The following SIMC1 variants were observed in gnomAD, a reference collection of about 807,000 sequenced individuals.
SIMC1 encodes the protein SUMO-interacting motif-containing protein 1.
Under a neutral mutation model 82.3 loss-of-function variants are expected in SIMC1, and 55 were observed. That is an observed-to-expected ratio of 0.67 (90% confidence interval 0.54 to 0.84). The LOEUF (loss-of-function observed/expected upper bound fraction) is 0.84, where lower values mean the gene tolerates loss of function less well. Ranked by LOEUF, SIMC1 falls within the 40% of genes least tolerant of loss-of-function variation. The pLI is 0.00. For missense variants in SIMC1, 915 were observed against 1,107.2 expected, an observed-to-expected ratio of 0.83 and a Z score of 2.46; for synonymous variants, 353 against 426.3, an observed-to-expected ratio of 0.83 and a Z score of 2.12.
At chr5:176,296,451 CCCA>C in intron 4 of SIMC1, 131 bp downstream of exon 4, 2 of 1,461,270 alleles carry the variant, frequency 1.4e-6, no homozygotes, top group Non-Finnish European at 1.9e-6. Flanking sequence ...ACAGTTTGAG[CCCA>C]GGAGTTCAAG....
At chr5:176,343,676 A>G (rs1766255757) in intron 9 of SIMC1, among the ~76,000 whole-genome samples, 1 of 152,194 alleles carries the variant, frequency 6.6e-6, no homozygotes, top group Non-Finnish European at 1.5e-5. Context: ...TCATAATTGT[A>G]TTGCTTAAGT....
chr5:176,281,276 C>G (rs527538826), intron 1 of SIMC1, among the ~76,000 whole-genome samples: 1 of 152,240 alleles, frequency 6.6e-6, no homozygotes, highest in Non-Finnish European at 1.5e-5. Context: ...TGGCTTTCAG[C>G]TCCATCAGCT....
chr5:176,282,041 C>T (rs1401133385), intron 1 of SIMC1, among the ~76,000 whole-genome samples: 1 of 152,258 alleles, frequency 6.6e-6, no homozygotes, highest in Non-Finnish European at 1.5e-5. Flanking sequence ...GAGGTGGAGC[C>T]TACAGAGGCA....
intron 2 of SIMC1, 91 bp from the exon 3 acceptor site, chr5:176,294,939 T>C: frequency 1.4e-6 from 2 of 1,420,858 alleles, no homozygotes; most frequent in African/African-American, 3.4e-5. Context: ...CACTCCAGCC[T>C]GGGGAACAGA....
At chr5:176,318,402 CCCT>C (rs909305923) in intron 5 of SIMC1, among the ~76,000 whole-genome samples, 2 of 152,094 alleles carry the variant, frequency 1.3e-5, no homozygotes, top group African/African-American at 2.4e-5. Flanking sequence ...TCTCAATATC[CCCT>C]CAAGATATTT....
At chr5:176,324,845 C>A in intron 7 of SIMC1, 88 bp downstream of exon 7, 1 of 1,405,312 alleles carries the variant, frequency 7.1e-7, no homozygotes. Flanking sequence ...ATTAACTTTT[C>A]TATCTATGCT....
intron 5 of SIMC1, among the ~76,000 whole-genome samples, chr5:176,316,386 G>C (rs935276001): frequency 6.6e-6 from 1 of 151,692 alleles, no homozygotes; most frequent in Non-Finnish European, 1.5e-5. Flanking sequence ...GGCATTTAAG[G>C]CTGGGCGTGG....
At chr5:176,314,317 C>T (rs954314266) in intron 5 of SIMC1, among the ~76,000 whole-genome samples, 1 of 152,028 alleles carries the variant, frequency 6.6e-6, no homozygotes, top group Non-Finnish European at 1.5e-5. Context: ...ATCATAAACC[C>T]CTCCTGATAA....
chr5:176,341,136 G>A (rs1000018476), intron 9 of SIMC1, among the ~76,000 whole-genome samples: 1 of 152,214 alleles, frequency 6.6e-6, no homozygotes, highest in African/African-American at 2.4e-5. Context: ...AGCAGAGCAA[G>A]ACTCCATCTC....
chr5:176,270,892 AG>A (rs1762396418), intron 1 of SIMC1, among the ~76,000 whole-genome samples: 1 of 152,182 alleles, frequency 6.6e-6, no homozygotes, highest in Non-Finnish European at 1.5e-5. Context: ...TTTGAAAGGC[AG>A]TCTAGGCCAC....
At chr5:176,287,194 G>A (rs576420194) in intron 1 of SIMC1, among the ~76,000 whole-genome samples, 1 of 152,206 alleles carries the variant, frequency 6.6e-6, no homozygotes, top group East Asian at 1.9e-4. Flanking sequence ...GTTTATTGTG[G>A]TACTATTCAC....
intron 6 of SIMC1, among the ~76,000 whole-genome samples, chr5:176,323,151 AT>A (rs1765235192): frequency 6.6e-6 from 1 of 152,212 alleles, no homozygotes. Flanking sequence ...ACAAGTTTAA[AT>A]TGTTTCCTAA....
At chr5:176,318,620 T>C (rs1001373357) in intron 5 of SIMC1, among the ~76,000 whole-genome samples, 4 of 152,238 alleles carry the variant, frequency 2.6e-5, no homozygotes, top group Non-Finnish European at 4.4e-5. Flanking sequence ...AAGGAATCCA[T>C]TCCTAGTAGC....
chr5:176,262,230 T>TGATC (rs1396743562), intron 1 of SIMC1, among the ~76,000 whole-genome samples: 2 of 146,858 alleles, frequency 1.4e-5, no homozygotes, highest in African/African-American at 5.1e-5. Context: ...AGAAATCACA[T>TGATC]GATCCCTTCA....
chr5:176,307,163 G>A (rs903617968), intron 4 of SIMC1, among the ~76,000 whole-genome samples: 1 of 152,130 alleles, frequency 6.6e-6, no homozygotes, highest in Non-Finnish European at 1.5e-5. Context: ...AAATAAGTGT[G>A]GGCAAGAATT....
chr5:176,305,713 G>A (rs1409221762), intron 4 of SIMC1, among the ~76,000 whole-genome samples: 9 of 86,604 alleles, frequency 1.0e-4, no homozygotes, highest in Admixed American at 3.0e-4. Flanking sequence ...AGGTGGGGGG[G>A]TCAGCCCCCC....
chr5:176,314,114 C>T (rs1160912188), intron 5 of SIMC1, among the ~76,000 whole-genome samples: 1 of 151,982 alleles, frequency 6.6e-6, no homozygotes, highest in Admixed American at 6.6e-5. Context: ...TAAAAATATA[C>T]AAATTAGCAG....
rs916289362 is a variant in SIMC1 at position 176,308,395 on chromosome 5, C to G, written c.1735-5296C>G. 3.1e-6 allele frequency: 5 copies of G among 1,604,654 alleles called. No homozygotes were observed. In the African/African-American group the frequency reaches 6.7e-5, roughly 21 times the overall value. ...GAGGCAGAGAAGTTGGCTGAACTGACAGGCCACCCCATGAGAGTTGTGGGC... is the reference window on the plus strand; with the variant it reads ...GAGGCAGAGAAGTTGGCTGAACTGAGAGGCCACCCCATGAGAGTTGTGGGC... On this transcript the variant is annotated intron_variant, in intron 4 of 9. Coordinates refer to ENST00000429602, the MANE Select transcript of SIMC1 (RefSeq NM_001308195.2).
intron 1 of SIMC1, among the ~76,000 whole-genome samples, chr5:176,287,079 C>T (rs1387936447): frequency 6.6e-6 from 1 of 152,158 alleles, no homozygotes; most frequent in Non-Finnish European, 1.5e-5. Flanking sequence ...GGCGATTCCT[C>T]AAGGATCTAG....
Sources: gnomAD v4.1 joint callset for allele counts (sites outside exome capture counted in the v4.1 genomes callset) on GRCh38, gnomAD v4.1.1 for gene constraint, MANE v1.5 for transcripts, NCBI Gene and HGNC (gene_info 2026-07-23, HGNC 2026-07-21) for gene names.